FAM161B: variants seen among roughly 807,000 people sequenced by gnomAD.
FAM161B encodes the protein protein FAM161B.
A neutral mutation model predicts 61.5 loss-of-function variants in FAM161B; 46 were observed. The ratio of observed to expected loss-of-function variants is 0.75; its 90% confidence interval spans 0.59 to 0.96. The LOEUF is 0.96. Among genes scored for constraint, FAM161B ranks in the 40% least tolerant of loss-of-function variants. FAM161B has a pLI of 0.00. For synonymous variants in FAM161B, 284 were observed against 302.7 expected, an observed-to-expected ratio of 0.94 and a Z score of 0.64; for missense variants, 774 against 800.7, an observed-to-expected ratio of 0.97 and a Z score of 0.40.
chr14:73,942,487 C>G lies in FAM161B; in HGVS notation c.1154G>C (p.Arg385Thr). ...YEGLYKAFQR[R>T]AAKRRETQEA... ...TTGGGTTTCTCTTCTTTTGGCTGCT[C>G]TTCTCTGGAAGGCCTTGTAAAGGCC... The change falls in exon 4 of 9, where the codon AGA (arginine) becomes ACA (threonine). Residue 385 changes from arginine to threonine, a missense_variant. By Grantham distance (71) the Arg-to-Thr change is moderately conservative. Coordinates refer to ENST00000286544, the MANE Select transcript of FAM161B (RefSeq NM_152445.3). 6.2e-7 allele frequency: 1 copy of G among 1,614,190 alleles called. No individual in the cohort carries two copies. Among genetic ancestry groups the G allele is most frequent in the Non-Finnish European group, 8.5e-7 (1 of 1,180,036 alleles).
Position 73,934,168 on chromosome 14 carries a change from G to A in FAM161B, c.*88C>T. On this transcript the variant is annotated 3_prime_UTR_variant, in exon 9 of 9. Transcript: ENST00000286544. ...TTGTCCATCCTCTAACAGTAGCCAT[G>A]ACTCAAAACCCAAGTTTTCCCTGCC... 6.7e-7 allele frequency: 1 copy of A among 1,491,078 alleles called. No individual in the cohort carries two copies. Among genetic ancestry groups the A allele is most frequent in the Non-Finnish European group, 9.1e-7 (1 of 1,100,750 alleles). The allele number at this position is 1,491,078 out of a possible 1,614,324, so 92.4% of individuals were successfully genotyped here. A position where few individuals can be genotyped will look rare whatever the true frequency, so the allele number is the denominator to read the frequency against.
At chr14:73,924,125 A>C in the FAM161B span, among the ~76,000 whole-genome samples, 2 of 152,216 alleles carry the variant, frequency 1.3e-5, no homozygotes, top group Non-Finnish European at 2.9e-5. Context: ...CTAAGTGAGA[A>C]CCATTACCTA....
chr14:73,934,483 G>GC, intron 8 of FAM161B, 89 bp from the exon 9 acceptor site: 16 of 1,308,104 alleles, frequency 1.2e-5, no homozygotes, highest in South Asian at 4.4e-5. Flanking sequence ...GCAGTGGCAT[G>GC]ATCTCAGCTC....
rs2055933159 is a variant in FAM161B, at chr14:73,932,599, T to C, written c.*1657A>G. On this transcript the variant is annotated 3_prime_UTR_variant, in exon 9 of 9. Coordinates refer to ENST00000286544, the MANE Select transcript of FAM161B (RefSeq NM_152445.3). The stretch of plus-strand genomic sequence containing the variant: ...CACTCTTGCTATCAGTCATCCTGTC[T>C]CCACAGCTACTGAGAAAATATCCAC... 2 of 390,142 alleles carry C rather than the reference T, an allele frequency of 5.1e-6. No homozygotes were observed. Among genetic ancestry groups the C allele is most frequent in the African/African-American group, 2.1e-5 (1 of 47,478 alleles). 24.2% of individuals were successfully genotyped at this position (390,142 alleles called of 1,614,324 possible).
In FAM161B at chr14:73,942,496, A is replaced by G. The variant is rs1212006808; in HGVS notation, c.1145T>C (p.Phe382Ser). 1 of 1,614,148 alleles carries G rather than the reference A, an allele frequency of 6.2e-7. No homozygotes were observed. Among genetic ancestry groups the G allele is most frequent in the Non-Finnish European group, 8.5e-7 (1 of 1,180,030 alleles). ...TCTTCTTTTGGCTGCTCTTCTCTGG[A>G]AGGCCTTGTAAAGGCCCTCATAGTC... ...VPDYEGLYKA[F>S]QRRAAKRRET... The change falls in exon 4 of 9, where the codon TTC becomes TCC. Residue 382 changes from phenylalanine (F) to serine (S), a missense_variant. Transcript: ENST00000286544.
chr14:73,949,190 C>A (rs1001732395), intron 1 of FAM161B, among the ~76,000 whole-genome samples: 1 of 152,244 alleles, frequency 6.6e-6, no homozygotes, highest in Admixed American at 6.5e-5. Flanking sequence ...GCAACCTCCA[C>A]CTCCCAGGTT....
the FAM161B span, among the ~76,000 whole-genome samples, chr14:73,926,290 T>C: frequency 6.6e-6 from 1 of 152,184 alleles, no homozygotes; most frequent in Non-Finnish European, 1.5e-5. Flanking sequence ...CTCAAAAATA[T>C]CTTATGGTTG....
chr14:73,923,392 C>T, the FAM161B span: 1 of 1,612,018 alleles, frequency 6.2e-7, no homozygotes, highest in East Asian at 2.2e-5. Context: ...TGTTGCTTCA[C>T]AGAGGTGCTT....
At position 73,934,415 on chromosome 14, in the gene FAM161B, T is replaced by A. The variant is rs372904999; in HGVS notation, c.1806-21A>T. ...GGAACCTGCAGAATAAATTAAAACA[T>A]GAAAAACAAAAAAAATTTTTTTTTC... is the stretch of plus-strand genomic sequence containing the variant. On this transcript the variant is annotated intron_variant, in intron 8 of 8. Coordinates refer to ENST00000286544, the MANE Select transcript of FAM161B (RefSeq NM_152445.3). 73 of 1,584,410 alleles carry A rather than the reference T, an allele frequency of 4.6e-5. No individual in the cohort carries two copies. The African/African-American group carries it at 9.2e-4, about 20-fold the overall frequency.
the FAM161B span, among the ~76,000 whole-genome samples, chr14:73,925,197 C>A: frequency 6.6e-6 from 1 of 152,136 alleles, no homozygotes; most frequent in Non-Finnish European, 1.5e-5. Flanking sequence ...ATCTTGATAT[C>A]ATTGGTTCTT....
At chr14:73,928,177 G>A (rs1458938799), downstream of FAM161B, among the ~76,000 whole-genome samples, 1 of 152,162 alleles carries the variant, frequency 6.6e-6, no homozygotes, top group Non-Finnish European at 1.5e-5. Flanking sequence ...TTCCAGTCTT[G>A]GGAGAAGTCA....
the FAM161B span, chr14:73,922,928 T>G: frequency 6.6e-6 from 1 of 152,386 alleles, no homozygotes; most frequent in Non-Finnish European, 1.5e-5. Flanking sequence ...TCTAGTTTTT[T>G]GAGGGCTAAG....
rs776181282 is a variant in FAM161B at position 73,950,077 on chromosome 14, G to A, written c.-51C>T. 6.9e-6 allele frequency: 11 copies of A among 1,604,920 alleles called. No individual in the cohort carries two copies. The highest frequency in any genetic ancestry group is 1.7e-4 in the Middle Eastern group (1 of 6,040). On this transcript the variant is annotated 5_prime_UTR_variant, in exon 1 of 9. Coordinates refer to ENST00000286544, the MANE Select transcript of FAM161B (RefSeq NM_152445.3). Reference sequence around the variant, plus strand: ...CAGTGACAGCGATAGTGGCAGCAGCGGTGGCAGCGAGAGCTATGCGGGGCC... The same window carrying A: ...CAGTGACAGCGATAGTGGCAGCAGCAGTGGCAGCGAGAGCTATGCGGGGCC...
intron 1 of FAM161B, among the ~76,000 whole-genome samples, chr14:73,948,489 C>A (rs2056087195): frequency 6.6e-6 from 1 of 152,168 alleles, no homozygotes; most frequent in Admixed American, 6.5e-5. Flanking sequence ...GCCAGGCTTA[C>A]TAAAATCCAG....
Position 73,940,941 on chromosome 14 carries a change from C to T in FAM161B, c.1385G>A (p.Arg462Lys). The change falls in exon 5 of 9, where the codon AGG becomes AAG. Residue 462 changes from arginine (R) to lysine (K), a missense_variant. Arg to Lys is a conservative substitution (Grantham distance 26, BLOSUM62 2). Coordinates refer to ENST00000286544, the MANE Select transcript of FAM161B (RefSeq NM_152445.3). Reference sequence around the variant, plus strand: ...GACCACTCACCTGACTGCAGATTCCCTCTTCCTGGTGGCATCTGTGATGTG... The same window carrying T: ...GACCACTCACCTGACTGCAGATTCCTTCTTCCTGGTGGCATCTGTGATGTG... ...PVHITDATRK[R>K]ESAVRSALEK... is the part of the protein sequence containing the mutation. 1 of 1,611,478 alleles carries T rather than the reference C, an allele frequency of 6.2e-7. No individual in the cohort carries two copies. The highest frequency in any genetic ancestry group is 8.5e-7 in the Non-Finnish European group (1 of 1,178,866).
Position 73,945,275 on chromosome 14 carries a change from G to A in FAM161B, c.375-390C>T, listed in dbSNP as rs538714530. Among the ~76,000 whole-genome samples the A allele has an allele frequency of 2.6e-5, 4 of 152,202 alleles. No individual in the cohort carries two copies. In the South Asian group the frequency reaches 8.3e-4, roughly 32 times the overall value. ...AATGTCTACTTACCAGGTTATTGGA[G>A]GAGAAAGTAAATATTAAATAAGATA... is the stretch of plus-strand genomic sequence containing the variant. On this transcript the variant is annotated intron_variant, in intron 2 of 8. Transcript: ENST00000286544.
At chr14:73,940,676 C>T (rs1232148067) in intron 5 of FAM161B, among the ~76,000 whole-genome samples, 1 of 152,176 alleles carries the variant, frequency 6.6e-6, no homozygotes, top group Admixed American at 6.5e-5. Context: ...ACTGGAGGTT[C>T]CCTAAGATCT....
chr14:73,947,385 CAAAA>C (rs35497668), intron 1 of FAM161B, among the ~76,000 whole-genome samples: 3 of 97,080 alleles, frequency 3.1e-5, no homozygotes, highest in Non-Finnish European at 3.8e-5. Context: ...TGCTCCGTCT[CAAAA>C]AAAAAAAAAA....
Position 73,932,954 on chromosome 14 carries a change from A to AATT in FAM161B, c.*1299_*1301dup, listed in dbSNP as rs895312739. On this transcript the variant is annotated 3_prime_UTR_variant, in exon 9 of 9. Transcript: ENST00000286544. ...ATCCAATTATTATTGGTGAGAAGAA[A>AATT]ATTATTCCAAAGTTCACCTACTAGT... is the stretch of plus-strand genomic sequence containing the variant. 12 of 152,516 alleles carry AATT rather than the reference A, an allele frequency of 7.9e-5. No individual in the cohort carries two copies. The highest frequency in any genetic ancestry group is 2.9e-4 in the African/African-American group (12 of 41,414). The allele number at this position is 152,516 out of a possible 1,614,324, so 9.4% of individuals were successfully genotyped here. A position where few individuals can be genotyped will look rare whatever the true frequency, so the allele number is the denominator to read the frequency against.
Sources: gnomAD v4.1 joint callset for allele counts (sites outside exome capture counted in the v4.1 genomes callset) on GRCh38, gnomAD v4.1.1 for gene constraint, MANE v1.5 for transcripts, NCBI Gene and HGNC (gene_info 2026-07-23, HGNC 2026-07-21) for gene names.